Variants in HDHD2 observed in about 807,000 individuals in gnomAD.
The protein encoded by HDHD2 is haloacid dehalogenase-like hydrolase domain-containing protein 2.
A neutral mutation model predicts 24.8 loss-of-function variants in HDHD2; 26 were observed. The observed-to-expected ratio is 1.05, with a 90% CI of 0.77 to 1.45. The LOEUF (loss-of-function observed/expected upper bound fraction) is 1.45, where lower values mean the gene tolerates loss of function less well. Ranked by LOEUF, HDHD2 falls within the 40% of genes most tolerant of loss-of-function variation. The pLI, the probability that HDHD2 is intolerant of heterozygous loss-of-function variation, is 0.00. For missense variants in HDHD2, 299 were observed against 313.4 expected (o/e 0.95, Z 0.35); for synonymous variants, 128 against 114.9 (o/e 1.11, Z -0.73).
intron 2 of HDHD2, 128 bp downstream of exon 2, chr18:47,136,211 A>G: frequency 8.8e-7 from 1 of 1,142,026 alleles, no homozygotes; most frequent in Middle Eastern, 2.5e-4. Flanking sequence ...AGCTAAACCC[A>G]AGGCAGTTCC....
chr18:47,138,151 G>A (rs974054527), intron 1 of HDHD2, among the ~76,000 whole-genome samples: 13 of 127,082 alleles, frequency 1.0e-4, no homozygotes, highest in Non-Finnish European at 1.6e-4. Context: ...CAGCCTGGGC[G>A]ATAGTGTGAG....
intron 3 of HDHD2, 67 bp from the exon 4 acceptor site, chr18:47,130,395 T>TGC: frequency 9.5e-7 from 1 of 1,050,826 alleles, no homozygotes; most frequent in Non-Finnish European, 1.4e-6. Flanking sequence ...TTTAAAAAAG[T>TGC]AGTCTTAGTC....
rs1418330275 is a variant in HDHD2 at position 47,134,651 on chromosome 18, C to T, written c.155G>A (p.Ser52Asn). ...CAACCTTTCTAACAGGTCTTGCTTG[C>T]TCTCTTTGGTTGTATTGGTCACAAA... ...IRFVTNTTKE[S>N]KQDLLERLRK... is the part of the protein sequence containing the mutation. The change falls in exon 3 of 7, where the codon AGC (serine) becomes AAC (asparagine). Residue 52 changes from serine (S) to asparagine (N), a missense_variant. Coordinates refer to ENST00000300605, the MANE Select transcript of HDHD2 (RefSeq NM_032124.5). 3 of 1,614,124 alleles carry T rather than the reference C, an allele frequency of 1.9e-6. No homozygotes were observed. The highest frequency in any genetic ancestry group is 1.7e-5 in the Admixed American group (1 of 60,024).
chr18:47,120,694 C>G (rs972006234), intron 4 of HDHD2, among the ~76,000 whole-genome samples: 1 of 152,152 alleles, frequency 6.6e-6, no homozygotes, highest in Non-Finnish European at 1.5e-5. Flanking sequence ...ACTTGCCTTA[C>G]TCATTTCTAG....
Position 47,108,786 on chromosome 18 carries a change from CTGAAA to C in HDHD2, c.677-6_677-2del, listed in dbSNP as rs1417580072. 1 of 1,590,530 alleles carries C rather than the reference CTGAAA, an allele frequency of 6.3e-7. No homozygotes were observed. Among genetic ancestry groups the C allele is most frequent in the Non-Finnish European group, 8.6e-7 (1 of 1,159,858 alleles). The stretch of plus-strand genomic sequence containing the variant: ...TCTTCATCTGATGCTCGATATTTCC[CTGAAA>C]TGAAAGTAAAGCCAGTAAACACAGG... On this transcript the variant is annotated splice_acceptor_variant and splice_polypyrimidine_tract_variant and intron_variant, in intron 6 of 6. Transcript: ENST00000300605. LOFTEE classifies it high-confidence loss of function.
At chr18:47,128,293 A>G (rs2063679567) in intron 4 of HDHD2, among the ~76,000 whole-genome samples, 1 of 152,216 alleles carries the variant, frequency 6.6e-6, no homozygotes, top group African/African-American at 2.4e-5. Context: ...CCAATTTCCT[A>G]TTAAATATGT....
chr18:47,121,223 A>C (rs2063603570), intron 4 of HDHD2, among the ~76,000 whole-genome samples: 2 of 152,192 alleles, frequency 1.3e-5, no homozygotes, highest in Non-Finnish European at 2.9e-5. Context: ...AAGCATGTGG[A>C]AATGAAATTA....
At chr18:47,123,747 T>C (rs2063629631) in intron 4 of HDHD2, among the ~76,000 whole-genome samples, 1 of 152,016 alleles carries the variant, frequency 6.6e-6, no homozygotes, top group African/African-American at 2.4e-5. Flanking sequence ...TAAATAGAGA[T>C]ACATTTTATT....
At chr18:47,132,408 T>C (rs1365972788) in intron 3 of HDHD2, among the ~76,000 whole-genome samples, 1 of 152,228 alleles carries the variant, frequency 6.6e-6, no homozygotes, top group Non-Finnish European at 1.5e-5. Context: ...ATGAATAACC[T>C]TGTTCATGTC....
intron 6 of HDHD2, chr18:47,110,367 C>CA: frequency 1.0e-6 from 1 of 985,390 alleles, no homozygotes; most frequent in Non-Finnish European, 1.2e-6. Context: ...ATGGTCCCCG[C>CA]AGCAAGCTCT....
chr18:47,146,229 C>CAAA (rs61430354), intron 1 of HDHD2, among the ~76,000 whole-genome samples: 21 of 58,936 alleles, frequency 3.6e-4, no homozygotes, highest in African/African-American at 1.2e-3. Context: ...GAATGTGTCT[C>CAAA]AAAAAAAAAA....
intron 4 of HDHD2, among the ~76,000 whole-genome samples, chr18:47,118,091 T>A (rs921374895): frequency 6.6e-6 from 1 of 152,006 alleles, no homozygotes; most frequent in Non-Finnish European, 1.5e-5. Flanking sequence ...TGTAGGTGAA[T>A]AAACAAAGTG....
intron 5 of HDHD2, among the ~76,000 whole-genome samples, chr18:47,113,987 C>T (rs981778190): frequency 6.6e-6 from 1 of 152,136 alleles, no homozygotes; most frequent in African/African-American, 2.4e-5. Context: ...CAACAGCCCC[C>T]CATGCAGCAC....
intron 1 of HDHD2, among the ~76,000 whole-genome samples, chr18:47,144,266 A>T (rs1346863991): frequency 1.3e-5 from 2 of 152,188 alleles, no homozygotes; most frequent in Non-Finnish European, 1.5e-5. Flanking sequence ...CAGGGAATAA[A>T]AGATAAACTC....
At chr18:47,122,572 A>G (rs1420795452) in intron 4 of HDHD2, among the ~76,000 whole-genome samples, 1 of 152,208 alleles carries the variant, frequency 6.6e-6, no homozygotes, top group Non-Finnish European at 1.5e-5. Context: ...AACACACTTA[A>G]AAGTAATACC....
intron 1 of HDHD2, among the ~76,000 whole-genome samples, chr18:47,144,088 C>T (rs908038956): frequency 4.0e-5 from 6 of 151,854 alleles, no homozygotes; most frequent in Admixed American, 2.6e-4. Context: ...CACGTCTGCA[C>T]GCATGCGCAT....
chr18:47,143,132 T>C (rs1380065025), intron 1 of HDHD2, among the ~76,000 whole-genome samples: 1 of 152,124 alleles, frequency 6.6e-6, no homozygotes, highest in Non-Finnish European at 1.5e-5. Context: ...GAAGCACGTG[T>C]CCAAGAAGCT....
intron 1 of HDHD2, among the ~76,000 whole-genome samples, chr18:47,149,728 C>A (rs1055201517): frequency 2.0e-5 from 3 of 152,162 alleles, no homozygotes; most frequent in African/African-American, 7.2e-5. Flanking sequence ...CTGGGTCCAA[C>A]TCCTTTTCTC....
intron 1 of HDHD2, among the ~76,000 whole-genome samples, chr18:47,140,250 G>A (rs1372966907): frequency 6.6e-6 from 1 of 152,104 alleles, no homozygotes; most frequent in Non-Finnish European, 1.5e-5. Context: ...ATTCTGACTA[G>A]AACTACATTT....
Sources: allele counts gnomAD v4.1 joint callset (sites outside exome capture counted in the v4.1 genomes callset), GRCh38; gene constraint gnomAD v4.1.1; transcripts MANE v1.5; gene names NCBI Gene and HGNC (gene_info 2026-07-23, HGNC 2026-07-21).